The following NTM variants were observed in gnomAD, a reference collection of about 807,000 sequenced individuals.
NTM encodes the protein IgLON family member 2.
A neutral mutation model predicts 42.1 loss-of-function variants in NTM; 13 were observed. That is an observed-to-expected ratio of 0.31 (90% CI 0.20 to 0.49). NTM has a LOEUF of 0.49. NTM is among the 20% of genes least tolerant of loss of function. The probability of loss-of-function intolerance (pLI) is 0.99; values close to 1 mark genes in which losing one functional copy is unlikely to be tolerated. For missense variants in NTM, 373 were observed against 452.8 expected, an observed-to-expected ratio of 0.82 and a Z score of 1.60; for synonymous variants, 187 against 179.2, an observed-to-expected ratio of 1.04 and a Z score of -0.35.
At chr11:132,098,092 C>A (rs1426347445) in intron 2 of NTM, among the ~76,000 whole-genome samples, 2 of 152,216 alleles carry the variant, frequency 1.3e-5, no homozygotes, top group Non-Finnish European at 2.9e-5. Flanking sequence ...AAAGTTAAAA[C>A]AGCTAGGATA....
intron 3 of NTM, among the ~76,000 whole-genome samples, chr11:132,193,405 T>G (rs2079624250): frequency 6.6e-6 from 1 of 151,844 alleles, no homozygotes; most frequent in Non-Finnish European, 1.5e-5. Flanking sequence ...CTGGATGACT[T>G]TGGGGAAAAG....
At chr11:131,730,760 A>G (rs1172659354) in intron 1 of NTM, among the ~76,000 whole-genome samples, 1 of 151,452 alleles carries the variant, frequency 6.6e-6, no homozygotes, top group Non-Finnish European at 1.5e-5. Flanking sequence ...AAGAGCAGGG[A>G]ATCTACAAAA....
intron 3 of NTM, among the ~76,000 whole-genome samples, chr11:132,177,960 C>T (rs1026048486): frequency 9.2e-5 from 14 of 152,198 alleles, no homozygotes; most frequent in East Asian, 1.9e-4. Context: ...AATGTTCCAA[C>T]GCAATTTTAT....
intron 1 of NTM, among the ~76,000 whole-genome samples, chr11:131,599,135 G>A (rs2060231798): frequency 6.6e-6 from 1 of 152,016 alleles, no homozygotes; most frequent in Non-Finnish European, 1.5e-5. Context: ...GGCTGGTCTT[G>A]AACTCCTGAC....
At chr11:131,992,446 C>T (rs1489531136) in intron 2 of NTM, among the ~76,000 whole-genome samples, 1 of 151,676 alleles carries the variant, frequency 6.6e-6, no homozygotes, top group African/African-American at 2.4e-5. Flanking sequence ...TCCTCACCCC[C>T]ACATTGTTCG....
At chr11:131,572,052 C>G (rs1366750071) in intron 1 of NTM, among the ~76,000 whole-genome samples, 2 of 152,238 alleles carry the variant, frequency 1.3e-5, no homozygotes, top group African/African-American at 4.8e-5. Flanking sequence ...ATTTCATAAA[C>G]TCCCATTGAA....
At chr11:131,938,061 G>C (rs1448803921) in intron 2 of NTM, among the ~76,000 whole-genome samples, 2 of 152,154 alleles carry the variant, frequency 1.3e-5, no homozygotes, top group Non-Finnish European at 2.9e-5. Flanking sequence ...CACGTATCGG[G>C]TGCTTACTAC....
intron 1 of NTM, among the ~76,000 whole-genome samples, chr11:131,811,859 C>A (rs1457992394): frequency 6.6e-6 from 1 of 152,138 alleles, no homozygotes; most frequent in Non-Finnish European, 1.5e-5. Flanking sequence ...TTTGCAATGG[C>A]CTCTAAAGAT....
intron 1 of NTM, among the ~76,000 whole-genome samples, chr11:131,435,483 T>C (rs941314699): frequency 1.3e-5 from 2 of 152,202 alleles, no homozygotes; most frequent in African/African-American, 2.4e-5. Flanking sequence ...TGATTTGTAG[T>C]TCTCCTTGAA....
intron 1 of NTM, among the ~76,000 whole-genome samples, chr11:131,510,176 G>A (rs960687021): frequency 1.3e-5 from 2 of 152,166 alleles, no homozygotes; most frequent in Non-Finnish European, 2.9e-5. Context: ...GGGGAAAGCT[G>A]TGTGGCTCCA....
intron 2 of NTM, among the ~76,000 whole-genome samples, chr11:132,144,413 A>G (rs2069882636): frequency 1.3e-5 from 2 of 152,196 alleles, no homozygotes; most frequent in African/African-American, 4.8e-5. Context: ...TTCCATAGAA[A>G]TCTGTGGTTG....
chr11:132,179,271 A>G (rs1343644987), intron 3 of NTM, among the ~76,000 whole-genome samples: 1 of 152,198 alleles, frequency 6.6e-6, no homozygotes, highest in Non-Finnish European at 1.5e-5. Context: ...TAAATTTGTT[A>G]TGTAAAGATT....
intron 1 of NTM, among the ~76,000 whole-genome samples, chr11:131,700,731 A>C (rs1469981749): frequency 6.6e-6 from 1 of 152,158 alleles, no homozygotes; most frequent in African/African-American, 2.4e-5. Flanking sequence ...GAAACCTGCA[A>C]CTCAACCTTC....
chr11:132,215,923 G>A (rs907212203), intron 4 of NTM, among the ~76,000 whole-genome samples: 17 of 152,154 alleles, frequency 1.1e-4, no homozygotes, highest in Admixed American at 2.6e-4. Flanking sequence ...ACCCCAAGCC[G>A]GAGTCCTTCT....
At chr11:131,917,434 C>A (rs911145130) in intron 2 of NTM, among the ~76,000 whole-genome samples, 1 of 152,186 alleles carries the variant, frequency 6.6e-6, no homozygotes, top group Non-Finnish European at 1.5e-5. Context: ...GTCCAGGCCA[C>A]AGATGAGGTG....
intron 1 of NTM, among the ~76,000 whole-genome samples, chr11:131,705,216 AG>A (rs2076476153): frequency 6.6e-6 from 1 of 152,242 alleles, no homozygotes. Flanking sequence ...AGAAAATTTC[AG>A]AAGCAGTAAG....
At chr11:131,870,678 A>C (rs478324) in intron 1 of NTM, among the ~76,000 whole-genome samples, 136,124 of 152,162 alleles carry the variant, frequency 0.89, 61,291 homozygotes, top group African/African-American at 0.97. Flanking sequence ...TAAAAAGACA[A>C]CAACTTGCAA....
At chr11:131,560,421 G>GTA (rs773555239) in intron 1 of NTM, among the ~76,000 whole-genome samples, 5 of 152,284 alleles carry the variant, frequency 3.3e-5, no homozygotes, top group Non-Finnish European at 5.9e-5. Context: ...CAATTCTCTA[G>GTA]TAATCATATG....
intron 1 of NTM, among the ~76,000 whole-genome samples, chr11:131,474,180 C>T (rs1385840138): frequency 6.6e-6 from 1 of 152,154 alleles, no homozygotes; most frequent in African/African-American, 2.4e-5. Context: ...CTACAAAACG[C>T]TTTCAGCATG....
Sources: gnomAD v4.1 joint callset for allele counts (sites outside exome capture counted in the v4.1 genomes callset) on GRCh38, gnomAD v4.1.1 for gene constraint, MANE v1.5 for transcripts, NCBI Gene and HGNC (gene_info 2026-07-23, HGNC 2026-07-21) for gene names.